RBFOX1: variants seen among roughly 807,000 people sequenced by gnomAD.
RBFOX1 encodes the protein RNA binding fox-1 homolog 1.
RBFOX1 carries 8 observed loss-of-function variants against 57.7 expected under a neutral mutation model. The ratio of observed to expected loss-of-function variants is 0.14; its 90% CI spans 0.08 to 0.25. The LOEUF is 0.25. Ranked by LOEUF, RBFOX1 falls within the 10% of genes least tolerant of loss-of-function variation. The pLI is 1.00. For missense variants in RBFOX1, 611 were observed against 548.5 expected, an observed-to-expected ratio of 1.11 and a Z score of -1.14; for synonymous variants, 326 against 222.4, an observed-to-expected ratio of 1.47 and a Z score of -4.15.
chr16:5,688,927 G>C (rs545118590), intron 3 of RBFOX1, among the ~76,000 whole-genome samples: 115 of 152,130 alleles, frequency 7.6e-4, no homozygotes, highest in Non-Finnish European at 1.1e-3. Context: ...TAACTATGGG[G>C]AATGTGGCCA....
At chr16:7,576,845 G>A (rs72774946) in intron 5 of RBFOX1, among the ~76,000 whole-genome samples, 2,169 of 152,212 alleles carry the variant, frequency 0.014, 22 homozygotes, top group Non-Finnish European at 0.024. Flanking sequence ...GCATTGAAAC[G>A]GGAACTTCTA....
Position 7,192,213 on chromosome 16 carries a change from T to G in RBFOX1, c.27+140115T>G, listed in dbSNP as rs2085567779. On this transcript the variant is annotated intron_variant, in intron 4 of 15. Transcript: ENST00000550418. ...CAGATTTCTCAGAATCTCCTGTGTT[T>G]TACTGGCATTTTATTGTTTTAGCCT... Among the ~76,000 whole-genome samples the G allele has an allele frequency of 2.0e-5, 3 of 152,262 alleles. No individual in the cohort carries two copies. In the South Asian group the frequency reaches 6.2e-4, roughly 31 times the overall value.
intron 3 of RBFOX1, among the ~76,000 whole-genome samples, chr16:6,777,801 C>T (rs2079628900): frequency 3.3e-5 from 5 of 152,016 alleles, no homozygotes; most frequent in Admixed American, 2.6e-4. Context: ...TTGTGTTTTG[C>T]ACCTTGTCAT....
chr16:6,556,766 T>C (rs941710915), intron 2 of RBFOX1, among the ~76,000 whole-genome samples: 3 of 152,032 alleles, frequency 2.0e-5, no homozygotes, highest in African/African-American at 7.2e-5. Flanking sequence ...AATAAATTAA[T>C]AGTAAATTTC....
intron 4 of RBFOX1, among the ~76,000 whole-genome samples, chr16:7,102,934 A>T (rs1300347229): frequency 1.3e-5 from 2 of 152,110 alleles, no homozygotes; most frequent in African/African-American, 2.4e-5. Context: ...AAACCTTCAC[A>T]TGGAGTATAA....
intron 3 of RBFOX1, among the ~76,000 whole-genome samples, chr16:6,857,229 A>G (rs1187369761): frequency 1.3e-5 from 2 of 152,200 alleles, no homozygotes; most frequent in Admixed American, 6.5e-5. Flanking sequence ...TATAAATCAT[A>G]TTACACAATA....
chr16:7,285,296 A>G (rs767028371), intron 4 of RBFOX1, among the ~76,000 whole-genome samples: 7 of 151,966 alleles, frequency 4.6e-5, no homozygotes, highest in Non-Finnish European at 1.0e-4. Context: ...GCAAAATTAA[A>G]GTACAGTGAT....
At chr16:6,582,503 G>A (rs1438874953) in intron 2 of RBFOX1, among the ~76,000 whole-genome samples, 1 of 147,122 alleles carries the variant, frequency 6.8e-6, no homozygotes, top group African/African-American at 2.5e-5. Flanking sequence ...GGACCTCAAA[G>A]GCCCTGACAC....
intron 4 of RBFOX1, among the ~76,000 whole-genome samples, chr16:7,241,732 C>T (rs1954429835): frequency 6.6e-6 from 1 of 151,974 alleles, no homozygotes; most frequent in Admixed American, 6.6e-5. Context: ...TATGCATATA[C>T]ACAAACACAC....
At chr16:6,588,262 A>G (rs1346444172) in intron 2 of RBFOX1, among the ~76,000 whole-genome samples, 1 of 151,900 alleles carries the variant, frequency 6.6e-6, no homozygotes, top group Non-Finnish European at 1.5e-5. Flanking sequence ...GTTTTGCTAT[A>G]CAGCCACAAA....
chr16:5,242,209 A>G (rs2062185628), intron 1 of RBFOX1, among the ~76,000 whole-genome samples: 1 of 152,192 alleles, frequency 6.6e-6, no homozygotes, highest in Admixed American at 6.5e-5. Context: ...AGGATGATAT[A>G]TTGATAATGA....
intron 3 of RBFOX1, among the ~76,000 whole-genome samples, chr16:5,818,028 G>A (rs1255558546): frequency 2.0e-5 from 3 of 152,262 alleles, no homozygotes; most frequent in Middle Eastern, 3.4e-3. Context: ...TGTCTTTATG[G>A]TGAAAGCAGT....
rs139946638 is a variant in RBFOX1, at chr16:5,258,897, C to G, written c.219+18792C>G. ...CACCACTGCACACCAGCCTGGGTGGCAAGAACGAATCTCTGAAAAAAAAAA... is the reference window on the plus strand; with the variant it reads ...CACCACTGCACACCAGCCTGGGTGGGAAGAACGAATCTCTGAAAAAAAAAA... On this transcript the variant is annotated intron_variant, in intron 1 of 2. Transcript: ENST00000585867. Among the ~76,000 whole-genome samples the G allele has an allele frequency of 1.8e-3, 278 of 151,206 alleles. 1 individual carries two copies. The highest frequency in any genetic ancestry group is 5.4e-3 in the African/African-American group (223 of 41,178).
At chr16:7,334,853 T>A (rs1013501615) in intron 4 of RBFOX1, among the ~76,000 whole-genome samples, 21 of 152,188 alleles carry the variant, frequency 1.4e-4, no homozygotes, top group African/African-American at 4.8e-4. Flanking sequence ...TGGTCTTACT[T>A]GTAAATCTTA....
At chr16:5,881,732 T>G (rs531120237) in intron 4 of RBFOX1, among the ~76,000 whole-genome samples, 4 of 151,928 alleles carry the variant, frequency 2.6e-5, no homozygotes, top group African/African-American at 9.7e-5. Context: ...GCTAAAATTT[T>G]CCCCCCAATG....
At chr16:6,321,544 A>G (rs921720728) in intron 2 of RBFOX1, among the ~76,000 whole-genome samples, 3 of 152,254 alleles carry the variant, frequency 2.0e-5, no homozygotes, top group Non-Finnish European at 4.4e-5. Context: ...ATGCCACAGC[A>G]TTCATCTATT....
At chr16:5,647,556 C>T (rs563741821) in intron 3 of RBFOX1, among the ~76,000 whole-genome samples, 47 of 152,244 alleles carry the variant, frequency 3.1e-4, no homozygotes, top group African/African-American at 8.9e-4. Flanking sequence ...GTCTCTGTCC[C>T]GTGGAAACCC....
In RBFOX1 at chr16:7,672,613, C is replaced by T. The variant is rs538583372; in HGVS notation, c.931-4161C>T. Among the ~76,000 whole-genome samples, 12 of 151,928 alleles carry T rather than the reference C, an allele frequency of 7.9e-5. 1 individual carries two copies. The highest frequency in any genetic ancestry group is 1.9e-4 in the East Asian group (1 of 5,148). ...TGTGGTGGCTCACACCTGTAATCCC[C>T]GTACTTCGGGAGACCTAAGGCAGGC... On this transcript the variant is annotated intron_variant, in intron 13 of 15. Transcript: ENST00000550418.
At chr16:7,218,062 CGTGTGTGTGTGTGCGTCTGT>C (rs1368023845) in intron 4 of RBFOX1, among the ~76,000 whole-genome samples, 3 of 132,996 alleles carry the variant, frequency 2.3e-5, no homozygotes, top group East Asian at 2.8e-4. Context: ...CATGCGTGTG[CGTGTGTGTGTGTGCGTCTGT>C]GTGTGTGTGT....
Sources: allele counts gnomAD v4.1 joint callset (sites outside exome capture counted in the v4.1 genomes callset), GRCh38; gene constraint gnomAD v4.1.1; transcripts MANE v1.5; gene names NCBI Gene and HGNC (gene_info 2026-07-23, HGNC 2026-07-21).